The following SP100 variants were observed in gnomAD, a reference collection of about 807,000 sequenced individuals.
SP100 encodes the protein SP100 nuclear body protein.
Under a neutral mutation model 130.0 loss-of-function variants are expected in SP100, and 84 were observed. The ratio of observed to expected loss-of-function variants is 0.65; its 90% CI spans 0.54 to 0.77. SP100 has a LOEUF of 0.77. Ranked by LOEUF, SP100 falls within the 30% of genes least tolerant of loss-of-function variation. SP100 has a pLI of 0.00. For synonymous variants in SP100, 331 were observed against 351.7 expected, an observed-to-expected ratio of 0.94 and a Z score of 0.66; for missense variants, 978 against 1,052.2, an observed-to-expected ratio of 0.93 and a Z score of 0.97.
chr2:230,525,896 G>T (rs1474536301), intron 24 of SP100, among the ~76,000 whole-genome samples: 5 of 152,210 alleles, frequency 3.3e-5, no homozygotes, highest in African/African-American at 4.8e-5. Context: ...AAACAAAAAG[G>T]CAGGGAAGCA....
At chr2:230,454,809 A>C (rs2064186403) in intron 8 of SP100, among the ~76,000 whole-genome samples, 1 of 152,148 alleles carries the variant, frequency 6.6e-6, no homozygotes, top group African/African-American at 2.4e-5. Context: ...CTTGGTCTAA[A>C]GTATAGTTTA....
intron 25 of SP100, among the ~76,000 whole-genome samples, chr2:230,540,653 G>A (rs1375325669): frequency 6.6e-6 from 1 of 152,144 alleles, no homozygotes; most frequent in Non-Finnish European, 1.5e-5. Flanking sequence ...CACTCATGGG[G>A]CACTTCAGCC....
intron 17 of SP100, among the ~76,000 whole-genome samples, chr2:230,477,332 A>C (rs1345389752): frequency 6.6e-6 from 1 of 151,756 alleles, no homozygotes; most frequent in African/African-American, 2.4e-5. Flanking sequence ...AGAAGTTTTA[A>C]ATTTTTATGT....
intron 24 of SP100, among the ~76,000 whole-genome samples, chr2:230,532,651 A>G (rs1691753330): frequency 6.6e-6 from 1 of 152,220 alleles, no homozygotes; most frequent in South Asian, 2.1e-4. Flanking sequence ...ACTGGTTTGA[A>G]GAGTCTAGTG....
intron 23 of SP100, chr2:230,510,103 A>ATG (rs1690464477): frequency 6.6e-6 from 1 of 152,632 alleles, no homozygotes. Context: ...AGGTGGTAAT[A>ATG]TGGCCACCTC....
At chr2:230,515,008 GAA>G in intron 24 of SP100, 1 of 1,571,668 alleles carries the variant, frequency 6.4e-7, no homozygotes, top group African/African-American at 1.4e-5. Context: ...CCTTGCTGAG[GAA>G]AAATAACTAA....
intron 5 of SP100, among the ~76,000 whole-genome samples, chr2:230,447,564 A>T (rs2063763407): frequency 6.6e-6 from 1 of 152,186 alleles, no homozygotes; most frequent in Non-Finnish European, 1.5e-5. Context: ...TTCCTAGTAG[A>T]TCACACAGAT....
intron 24 of SP100, among the ~76,000 whole-genome samples, chr2:230,534,949 C>A (rs957123458): frequency 6.6e-6 from 1 of 152,182 alleles, no homozygotes; most frequent in Non-Finnish European, 1.5e-5. Flanking sequence ...GTAATCCCAG[C>A]ACTTTGGGAG....
chr2:230,488,801 C>G (rs1212827331), intron 17 of SP100, among the ~76,000 whole-genome samples: 2 of 152,194 alleles, frequency 1.3e-5, no homozygotes, highest in Non-Finnish European at 2.9e-5. Context: ...GTCTTTGGTT[C>G]TGTTTATGTG....
chr2:230,482,587 T>C (rs1431095598), intron 17 of SP100, among the ~76,000 whole-genome samples: 1 of 151,076 alleles, frequency 6.6e-6, no homozygotes, highest in Non-Finnish European at 1.5e-5. Context: ...TTTTTTTTTT[T>C]AGTGTGGCAT....
At position 230,469,174 on chromosome 2, in the gene SP100, T is replaced by A. The variant is rs558306237; in HGVS notation, c.1345+78T>A. ...AGCTACATTCACTTTTTATGTTATA[T>A]CCTTTAAAATAAAAAATTAATTTGT... On this transcript the variant is annotated intron_variant, in intron 14 of 28. Transcript: ENST00000340126. 55 of 910,716 alleles carry A rather than the reference T, an allele frequency of 6.0e-5. No individual in the cohort carries two copies. The African/African-American group carries it at 7.8e-4, about 13-fold the overall frequency. 56.4% of individuals were successfully genotyped at this position (910,716 alleles called of 1,614,324 possible). A position where few individuals can be genotyped will look rare whatever the true frequency, so the allele number is the denominator to read the frequency against.
intron 18 of SP100, among the ~76,000 whole-genome samples, chr2:230,497,938 CATA>C (rs2066788534): frequency 1.3e-5 from 2 of 152,168 alleles, no homozygotes; most frequent in South Asian, 4.1e-4. Context: ...GTGTCACCAT[CATA>C]ATGAGCAGGA....
At chr2:230,526,873 G>GA (rs1359085156) in intron 24 of SP100, among the ~76,000 whole-genome samples, 3 of 152,058 alleles carry the variant, frequency 2.0e-5, no homozygotes, top group Admixed American at 1.3e-4. Context: ...CAAGACTAGA[G>GA]AAAAAAGAAT....
intron 19 of SP100, among the ~76,000 whole-genome samples, chr2:230,499,916 G>A (rs953955046): frequency 4.6e-5 from 7 of 152,068 alleles, no homozygotes; most frequent in Middle Eastern, 3.2e-3. Context: ...TCTCTCATAA[G>A]GCCTGGAGGT....
At chr2:230,466,201 A>AAAC in intron 11 of SP100, 100 bp from the exon 12 acceptor site, 97 of 575,100 alleles carry the variant, frequency 1.7e-4, no homozygotes, top group East Asian at 6.1e-4. Context: ...AAAAAAAAAA[A>AAAC]AACTTTGTTA....
intron 17 of SP100, among the ~76,000 whole-genome samples, chr2:230,477,477 A>C (rs2065614399): frequency 6.6e-6 from 1 of 152,138 alleles, no homozygotes; most frequent in South Asian, 2.1e-4. Context: ...GATCATTTTT[A>C]ATGTTTACAT....
In SP100 at chr2:230,506,331, G is replaced by A. The variant is rs2150072578; in HGVS notation, c.1899G>A (p.Glu633=). ...QGTSKKCIQS[E]DKKWFTPREF... Reference sequence around the variant, plus strand: ...CCTCAAAGAAGTGTATACAGAGTGAGGATAAAAAGTGGTTCACTCCCAGGG... The same window carrying A: ...CCTCAAAGAAGTGTATACAGAGTGAAGATAAAAAGTGGTTCACTCCCAGGG... The change falls in exon 22 of 29, where the codon GAG becomes GAA. Residue 633 remains glutamate, a synonymous_variant. Transcript: ENST00000340126. The A allele has an allele frequency of 6.2e-7, 1 of 1,613,876 alleles. No individual in the cohort carries two copies. The highest frequency in any genetic ancestry group is 2.2e-5 in the East Asian group (1 of 44,886).
chr2:230,446,681 C>T (rs545407889), intron 4 of SP100, 138 bp from the exon 5 acceptor site: 501 of 586,370 alleles, frequency 8.5e-4, no homozygotes, highest in Non-Finnish European at 1.3e-3. Flanking sequence ...CAGGGGATGA[C>T]GGGAGAACTT....
chr2:230,429,065 G>A (rs1000267911), intron 2 of SP100, among the ~76,000 whole-genome samples: 1 of 151,968 alleles, frequency 6.6e-6, no homozygotes, highest in Non-Finnish European at 1.5e-5. Flanking sequence ...TTTATATATT[G>A]TTATGCTGTG....
Sources: allele counts gnomAD v4.1 joint callset (sites outside exome capture counted in the v4.1 genomes callset), GRCh38; gene constraint gnomAD v4.1.1; transcripts MANE v1.5; gene names NCBI Gene and HGNC (gene_info 2026-07-23, HGNC 2026-07-21).